PCDHGB4: variants seen among roughly 807,000 people sequenced by gnomAD.
PCDHGB4 encodes protocadherin gamma-B4.
PCDHGB4 carries 38 observed loss-of-function variants against 60.5 expected under a neutral mutation model. The observed-to-expected ratio is 0.63, with a 90% CI of 0.48 to 0.82. The LOEUF is 0.82. Ranked by LOEUF, PCDHGB4 falls within the 40% of genes least tolerant of loss-of-function variation. The pLI is 0.00. For missense variants in PCDHGB4, 1,109 were observed against 1,209.6 expected (o/e 0.92, Z 1.23); for synonymous variants, 456 against 509.7 (o/e 0.89, Z 1.42).
At chr5:141,410,085 C>T (rs533911183) in intron 1 of PCDHGB4, 29 of 1,612,476 alleles carry the variant, frequency 1.8e-5, no homozygotes, top group South Asian at 1.1e-5. Flanking sequence ...GAGGTGCGCA[C>T]GGCTCGAGCC....
chr5:141,453,784 G>T (rs767312144), intron 1 of PCDHGB4, among the ~76,000 whole-genome samples: 47 of 152,298 alleles, frequency 3.1e-4, no homozygotes, highest in Non-Finnish European at 5.6e-4. Flanking sequence ...AGTTACCATG[G>T]TATATTAACT....
intron 1 of PCDHGB4, among the ~76,000 whole-genome samples, chr5:141,437,623 T>G (rs887878119): frequency 3.3e-5 from 5 of 152,172 alleles, no homozygotes; most frequent in Non-Finnish European, 7.4e-5. Context: ...TATCCCCATA[T>G]AAGATGTCAG....
chr5:141,510,015 A>G (rs2099879210), intron 3 of PCDHGB4, among the ~76,000 whole-genome samples: 1 of 152,210 alleles, frequency 6.6e-6, no homozygotes, highest in Non-Finnish European at 1.5e-5. Flanking sequence ...GTCATACCAC[A>G]TAGCTGGCTG....
Position 141,485,751 on chromosome 5 carries a change from A to G in PCDHGB4, c.2398-9056A>G. ...CGCAGCGACGGCAGCCTGGTCCCAG[A>G]GCTGCTCCTGGAGAAGCCTTTGGAT... is the stretch of plus-strand genomic sequence containing the variant. On this transcript the variant is annotated intron_variant, in intron 1 of 3. Coordinates refer to ENST00000519479, the MANE Select transcript of PCDHGB4 (RefSeq NM_003736.4). This position sits in a 1 kb window ranked among gnomAD's most constrained non-coding sequence, Gnocchi z 5.7. 6.2e-7 allele frequency: 1 copy of G among 1,614,166 alleles called. No individual in the cohort carries two copies. Among genetic ancestry groups the G allele is most frequent in the Non-Finnish European group, 8.5e-7 (1 of 1,179,998 alleles).
Position 141,476,191 on chromosome 5 carries a change from C to T in PCDHGB4, c.2398-18616C>T. The T allele has an allele frequency of 6.2e-7, 1 of 1,613,860 alleles. No homozygotes were observed. The highest frequency in any genetic ancestry group is 8.5e-7 in the Non-Finnish European group (1 of 1,180,006). ...TGGGAGTTTTGCTTCTGCTTGGTGC[C>T]TTGAACAAGGCTTCCACGGTCATTC... On this transcript the variant is annotated intron_variant, in intron 1 of 3. Transcript: ENST00000519479. This position sits in a 1 kb window ranked among gnomAD's most constrained non-coding sequence, Gnocchi z 7.6.
intron 1 of PCDHGB4, among the ~76,000 whole-genome samples, chr5:141,457,224 A>G (rs1176186371): frequency 6.6e-6 from 1 of 152,158 alleles, no homozygotes; most frequent in African/African-American, 2.4e-5. Flanking sequence ...GTGGTAGGTA[A>G]TTTCCATCTA....
chr5:141,397,298 T>C (rs140040192), intron 1 of PCDHGB4, among the ~76,000 whole-genome samples: 13 of 152,318 alleles, frequency 8.5e-5, no homozygotes, highest in African/African-American at 2.9e-4. Context: ...AATGAATATT[T>C]CCTGAAGTAG....
Position 141,486,494 on chromosome 5 carries a change from A to G in PCDHGB4, c.2398-8313A>G, listed in dbSNP as rs375607204. 9.3e-6 allele frequency: 15 copies of G among 1,614,058 alleles called. No individual in the cohort carries two copies. The highest frequency in any genetic ancestry group is 1.3e-5 in the Non-Finnish European group (15 of 1,179,958). ...CCCTCCTCTCAGTACCCACAGAACT[A>G]TTTTCCTCAATATTTCAGATGTGAA... On this transcript the variant is annotated intron_variant, in intron 1 of 3. Transcript: ENST00000519479. The surrounding 1 kb of genome is among the most constrained non-coding windows in gnomAD (Gnocchi z 5.0).
rs775489120 is a variant in PCDHGB4 at position 141,418,594 on chromosome 5, C to T, written c.2397+28313C>T. ...ACAACCCCCCAGTGTTCAGCCAGGA[C>T]GTGTACAGGGTTAGCCTTCGGGAAG... On this transcript the variant is annotated intron_variant, in intron 1 of 3. Coordinates refer to ENST00000519479, the MANE Select transcript of PCDHGB4 (RefSeq NM_003736.4). The T allele has an allele frequency of 3.1e-6, 5 of 1,614,022 alleles. No individual in the cohort carries two copies. In the Admixed American group the frequency reaches 8.3e-5, roughly 27 times the overall value.
chr5:141,422,194 C>A, intron 1 of PCDHGB4: 1 of 1,562,366 alleles, frequency 6.4e-7, no homozygotes, highest in South Asian at 1.2e-5. Flanking sequence ...AATTCAAGGC[C>A]AAGATGGTGG....
intron 1 of PCDHGB4, chr5:141,427,909 C>G: frequency 6.3e-7 from 1 of 1,576,922 alleles, no homozygotes; most frequent in Non-Finnish European, 8.7e-7. Context: ...GCGCTCAGCG[C>G]CAACATGAGC....
intron 1 of PCDHGB4, chr5:141,422,129 A>T: frequency 6.3e-7 from 1 of 1,599,702 alleles, no homozygotes; most frequent in East Asian, 2.2e-5. Flanking sequence ...CAAACTGGAG[A>T]AGTTCAAGTA....
At chr5:141,465,833 T>A (rs2099110537) in intron 1 of PCDHGB4, among the ~76,000 whole-genome samples, 1 of 152,002 alleles carries the variant, frequency 6.6e-6, no homozygotes, top group Non-Finnish European at 1.5e-5. Context: ...GTTTAAAATT[T>A]CAACTGAGGC....
chr5:141,400,230 G>A, intron 1 of PCDHGB4: 3 of 1,613,992 alleles, frequency 1.9e-6, no homozygotes, highest in Non-Finnish European at 2.5e-6. Flanking sequence ...TCTTCCTCCT[G>A]GCCGTGATTC....
chr5:141,456,020 C>T (rs2098840631), intron 1 of PCDHGB4, among the ~76,000 whole-genome samples: 1 of 151,834 alleles, frequency 6.6e-6, no homozygotes, highest in South Asian at 2.1e-4. Flanking sequence ...GCCTCAGCCT[C>T]CCGAGTAGCT....
chr5:141,394,316 G>C (rs779061595), intron 1 of PCDHGB4: 1 of 1,613,976 alleles, frequency 6.2e-7, no homozygotes, highest in African/African-American at 1.3e-5. Context: ...GGGCGCCCCT[G>C]TCCTCGTATA....
rs1301787934 is a variant in PCDHGB4 at position 141,476,164 on chromosome 5, A to G, written c.2398-18643A>G. Reference sequence around the variant, plus strand: ...GCGGACTGGTAAGCACCGGGAGGGTAGTGGGAGTTTTGCTTCTGCTTGGTG... The same window carrying G: ...GCGGACTGGTAAGCACCGGGAGGGTGGTGGGAGTTTTGCTTCTGCTTGGTG... On this transcript the variant is annotated intron_variant, in intron 1 of 3. Transcript: ENST00000519479. This position sits in a 1 kb window ranked among gnomAD's most constrained non-coding sequence, Gnocchi z 7.6. 6.2e-7 allele frequency: 1 copy of G among 1,613,116 alleles called. No individual in the cohort carries two copies.
rs1368226100 is a variant in PCDHGB4, at chr5:141,511,268, C to T, written c.*95C>T. The stretch of plus-strand genomic sequence containing the variant: ...CAGGCCTCAGAGTTTCAGGGCTAAC[C>T]CCCAGAATACTGGTAGGGGCCAAGG... On this transcript the variant is annotated 3_prime_UTR_variant, in exon 4 of 4. Coordinates refer to ENST00000519479, the MANE Select transcript of PCDHGB4 (RefSeq NM_003736.4). 1.9e-6 allele frequency: 3 copies of T among 1,546,408 alleles called. No individual in the cohort carries two copies. The highest frequency in any genetic ancestry group is 2.4e-5 in the East Asian group (1 of 41,246).
chr5:141,428,307 C>A, intron 1 of PCDHGB4: 1 of 688,030 alleles, frequency 1.5e-6, no homozygotes, highest in South Asian at 1.6e-5. Flanking sequence ...TTTACCTGGT[C>A]GTGGCCTTGG....
Sources: gnomAD v4.1 joint callset for allele counts (sites outside exome capture counted in the v4.1 genomes callset) on GRCh38, gnomAD v4.1.1 for gene constraint, Gnocchi (gnomAD v3.1) non-coding constraint, MANE v1.5 for transcripts, NCBI Gene and HGNC (gene_info 2026-07-23, HGNC 2026-07-21) for gene names.